HTT: variants seen among roughly 807,000 people sequenced by gnomAD.
HTT encodes the protein huntington disease protein.
In HTT, 104 loss-of-function variants were observed where a neutral mutation model predicts 362.3. That is an observed-to-expected ratio of 0.29 (90% CI 0.24 to 0.34). HTT has a LOEUF of 0.34. HTT is among the 10% of genes least tolerant of loss of function. The pLI is 1.00. For synonymous variants in HTT, 1,577 were observed against 1,548.7 expected, an observed-to-expected ratio of 1.02 and a Z score of -0.43; for missense variants, 3,301 against 3,928.6, an observed-to-expected ratio of 0.84 and a Z score of 4.27.
intron 26 of HTT, among the ~76,000 whole-genome samples, chr4:3,150,947 G>C (rs1466787634): frequency 6.6e-6 from 1 of 152,158 alleles, no homozygotes. Context: ...GCTGATGCAG[G>C]AGAACGGCGT....
chr4:3,228,967 CAGG>C lies in HTT; in HGVS notation c.8072_8074del (p.Arg2691del). 6.2e-7 allele frequency: 1 copy of C among 1,613,792 alleles called. No individual in the cohort carries two copies. Among genetic ancestry groups the C allele is most frequent in the Non-Finnish European group, 8.5e-7 (1 of 1,179,812 alleles). On this transcript the variant is annotated inframe_deletion, in exon 59 of 67. Transcript: ENST00000355072. The surrounding 1 kb of genome is among the most constrained non-coding windows in gnomAD (Gnocchi z 4.3). ...GCTGGATCCTGCCGTCCAGCTCAGC[CAGG>C]AGGACCCCGGCCATCCTGATCAGTG...
At chr4:3,106,691 T>G (rs543159992) in intron 5 of HTT, among the ~76,000 whole-genome samples, 1 of 151,606 alleles carries the variant, frequency 6.6e-6, no homozygotes, top group Non-Finnish European at 1.5e-5. Flanking sequence ...GGTTTTTTTT[T>G]CCCCCTTAGT....
intron 2 of HTT, among the ~76,000 whole-genome samples, chr4:3,088,417 G>A (rs973932219): frequency 2.0e-5 from 3 of 151,504 alleles, no homozygotes; most frequent in Admixed American, 6.6e-5. Context: ...CTCATGACCC[G>A]CTCAACTCAG....
At position 3,238,990 on chromosome 4, in the gene HTT, G is replaced by T; in HGVS notation, c.9215+12G>T. 6.3e-7 allele frequency: 1 copy of T among 1,597,380 alleles called. No individual in the cohort carries two copies. The highest frequency in any genetic ancestry group is 8.5e-7 in the Non-Finnish European group (1 of 1,174,662). On this transcript the variant is annotated intron_variant, in intron 66 of 66. Transcript: ENST00000355072. ...TGGGTCGCGGCGATGTATCCTCTCTGGGTCCCTGGTGCTGGCCCCGTTTCC... is the reference window on the plus strand; with the variant it reads ...TGGGTCGCGGCGATGTATCCTCTCTTGGTCCCTGGTGCTGGCCCCGTTTCC...
At position 3,131,290 on chromosome 4, in the gene HTT, G is replaced by T; in HGVS notation, c.1991G>T (p.Cys664Phe). 5 of 1,610,220 alleles carry T rather than the reference G, an allele frequency of 3.1e-6. No individual in the cohort carries two copies. Among genetic ancestry groups the T allele is most frequent in the Non-Finnish European group, 4.2e-6 (5 of 1,176,530 alleles). Residue 664 changes from cysteine (C) to phenylalanine (F), a missense_variant, in exon 15 of 67, where the codon TGC (cysteine) becomes TTC (phenylalanine). Physicochemically the swap from Cys to Phe is radical, Grantham distance 205. This residue lies in a region of HTT where 2,316 missense variants were observed against 2,658.5 expected (regional missense o/e 0.87). Coordinates refer to ENST00000355072, the MANE Select transcript of HTT (RefSeq NM_001388492.1). ...GTGTCATTGTCTCCTTTCTAGCCTT[G>T]CCGCATCAAAGGTGACATTGGACAG... ...TEPGDQENKP[C>F]RIKGDIGQST...
intron 2 of HTT, among the ~76,000 whole-genome samples, chr4:3,097,842 C>CT (rs1713934008): frequency 6.6e-6 from 1 of 152,068 alleles, no homozygotes; most frequent in Non-Finnish European, 1.5e-5. Context: ...TACTGGAAAA[C>CT]TTTTAAGTGT....
chr4:3,090,515 G>T (rs1369186522), intron 2 of HTT, among the ~76,000 whole-genome samples: 1 of 152,132 alleles, frequency 6.6e-6, no homozygotes, highest in Admixed American at 6.5e-5. Context: ...AAAATCCATA[G>T]ATCTCCCATA....
At chr4:3,159,032 G>C (rs1487715125) in intron 28 of HTT, among the ~76,000 whole-genome samples, 1 of 152,190 alleles carries the variant, frequency 6.6e-6, no homozygotes, top group Non-Finnish European at 1.5e-5. Context: ...CTGCTGCGCA[G>C]CTTCTCAGCT....
intron 18 of HTT, among the ~76,000 whole-genome samples, chr4:3,133,940 G>T (rs1715946653): frequency 6.6e-6 from 1 of 152,098 alleles, no homozygotes; most frequent in South Asian, 2.1e-4. Context: ...TGGGTGCTTG[G>T]GGCTGCAGGG....
intron 55 of HTT, 107 bp downstream of exon 55, chr4:3,223,667 T>C: frequency 9.7e-7 from 1 of 1,026,812 alleles, no homozygotes; most frequent in Non-Finnish European, 1.4e-6. Flanking sequence ...CCTTCATTGC[T>C]AGAATTGAAA....
Position 3,217,877 on chromosome 4 carries a change from G to T in HTT, c.7167G>T (p.Thr2389=). Residue 2389 remains threonine (T), a synonymous_variant, in exon 52 of 67, where the codon ACG becomes ACT. Coordinates refer to ENST00000355072, the MANE Select transcript of HTT (RefSeq NM_001388492.1). ...ATAGCGGCGTGCCGGCGTTTCTCACGCCATTGCTAAGGAACATCATCATCA... is the reference window on the plus strand; with the variant it reads ...ATAGCGGCGTGCCGGCGTTTCTCACTCCATTGCTAAGGAACATCATCATCA... ...KRNSGVPAFL[T]PLLRNIIISL... is the part of the protein sequence containing the mutation. 1 of 1,614,156 alleles carries T rather than the reference G, an allele frequency of 6.2e-7. No individual in the cohort carries two copies. The highest frequency in any genetic ancestry group is 8.5e-7 in the Non-Finnish European group (1 of 1,179,998).
At chr4:3,084,062 A>C (rs1456638317) in intron 1 of HTT, among the ~76,000 whole-genome samples, 1 of 152,166 alleles carries the variant, frequency 6.6e-6, no homozygotes, top group Non-Finnish European at 1.5e-5. Flanking sequence ...GGGATGGAGA[A>C]TAGATTAGTG....
At chr4:3,126,334 G>A (rs1715518819) in intron 11 of HTT, among the ~76,000 whole-genome samples, 1 of 152,154 alleles carries the variant, frequency 6.6e-6, no homozygotes, top group African/African-American at 2.4e-5. Context: ...GATTACAGGA[G>A]TGAGCCACTG....
chr4:3,082,637 T>C (rs985432175), intron 1 of HTT, among the ~76,000 whole-genome samples: 30 of 152,310 alleles, frequency 2.0e-4, no homozygotes, highest in African/African-American at 7.0e-4. Context: ...GTGACTTACA[T>C]GCACATTGGA....
chr4:3,113,200 A>T (rs553592602), intron 6 of HTT: 1 of 158,660 alleles, frequency 6.3e-6, no homozygotes, highest in Non-Finnish European at 1.4e-5. Context: ...ATTAGACCTG[A>T]GGAGGCCCCT....
intron 40 of HTT, among the ~76,000 whole-genome samples, chr4:3,198,613 G>A (rs1448490132): frequency 6.6e-6 from 1 of 152,234 alleles, no homozygotes; most frequent in African/African-American, 2.4e-5. Flanking sequence ...GGCCAGCTGG[G>A]CCTTTCTCTG....
intron 2 of HTT, among the ~76,000 whole-genome samples, chr4:3,095,841 G>A (rs1044793465): frequency 1.3e-5 from 2 of 152,154 alleles, no homozygotes; most frequent in East Asian, 3.8e-4. Context: ...CCAGAAATAG[G>A]GGAAGAGGCA....
rs1373328313 is a variant in HTT, at chr4:3,177,375, T to A, written c.4451T>A (p.Val1484Glu). 2 of 1,597,960 alleles carry A rather than the reference T, an allele frequency of 1.3e-6. No individual in the cohort carries two copies. Among genetic ancestry groups the A allele is most frequent in the African/African-American group, 2.7e-5 (2 of 74,278 alleles). The change falls in exon 34 of 67, where the codon GTG becomes GAG. Residue 1484 changes from valine to glutamate, a missense_variant. Val to Glu is a moderately radical substitution (Grantham distance 121). This residue lies in a region of HTT where 2,316 missense variants were observed against 2,658.5 expected (regional missense o/e 0.87). Transcript: ENST00000355072. ...TTGAAACAGTTTGAATACATTGAAG[T>A]GGGCCAGTTCAGGTAATAGCATTTT... is the stretch of plus-strand genomic sequence containing the variant. ...FVLKQFEYIEVGQFRESEAII... is the reference protein window; with the variant it reads ...FVLKQFEYIEEGQFRESEAII...
intron 6 of HTT, among the ~76,000 whole-genome samples, chr4:3,113,664 G>A (rs1157834676): frequency 6.6e-6 from 1 of 152,122 alleles, no homozygotes; most frequent in Non-Finnish European, 1.5e-5. Context: ...ATCTTTTCTT[G>A]CAGCTAAAAA....
Sources: gnomAD v4.1 joint callset for allele counts (sites outside exome capture counted in the v4.1 genomes callset) on GRCh38, gnomAD v4.1.1 for gene constraint, gnomAD v4.1.1 regional missense constraint, Gnocchi (gnomAD v3.1) non-coding constraint, MANE v1.5 for transcripts, NCBI Gene and HGNC (gene_info 2026-07-23, HGNC 2026-07-21) for gene names.